Variants in NAA15 observed in about 807,000 individuals in gnomAD.
NAA15 encodes the protein N-terminal acetyltransferase.
Under a neutral mutation model 114.0 loss-of-function variants are expected in NAA15, and 34 were observed. The ratio of observed to expected loss-of-function variants is 0.30; its 90% CI spans 0.23 to 0.40. The LOEUF (loss-of-function observed/expected upper bound fraction) is 0.40, where lower values mean the gene tolerates loss of function less well. Among genes scored for constraint, NAA15 ranks in the 10% least tolerant of loss-of-function variants. The pLI is 1.00. For missense variants in NAA15, 658 were observed against 1,004.5 expected (o/e 0.66, Z 4.66); for synonymous variants, 340 against 338.0 (o/e 1.01, Z -0.06).
At chr4:139,330,457 G>A (rs1245927518) in intron 1 of NAA15, among the ~76,000 whole-genome samples, 1 of 152,176 alleles carries the variant, frequency 6.6e-6, no homozygotes, top group African/African-American at 2.4e-5. Context: ...TGAATGCATA[G>A]TTGATTGTGG....
At chr4:139,328,165 A>G (rs1746866796) in intron 1 of NAA15, among the ~76,000 whole-genome samples, 1 of 149,998 alleles carries the variant, frequency 6.7e-6, no homozygotes, top group South Asian at 2.1e-4. Flanking sequence ...CTTTACTCTT[A>G]TCTGGGAAAG....
In NAA15 at chr4:139,353,291, G is replaced by A. The variant is rs371703410; in HGVS notation, c.1015-735G>A. Among the ~76,000 whole-genome samples, 16 of 152,242 alleles carry A rather than the reference G, an allele frequency of 1.1e-4. No homozygotes were observed. The East Asian group carries it at 2.5e-3, about 24-fold the overall frequency. ...TAGCTCAGCTTGTAGGAGGGAACATGGGTGCACCAGAATAACCTAGCTGCA... is the reference window on the plus strand; with the variant it reads ...TAGCTCAGCTTGTAGGAGGGAACATAGGTGCACCAGAATAACCTAGCTGCA... On this transcript the variant is annotated intron_variant, in intron 9 of 19. Transcript: ENST00000296543.
At chr4:139,316,441 AGTTT>A (rs1364083175) in intron 1 of NAA15, among the ~76,000 whole-genome samples, 1 of 151,716 alleles carries the variant, frequency 6.6e-6, no homozygotes, top group Non-Finnish European at 1.5e-5. Context: ...ATTTAAGTTC[AGTTT>A]GTTCATGTTT....
chr4:139,387,852 C>A, intron 19 of NAA15, 32 bp from the exon 20 acceptor site: 1 of 1,548,942 alleles, frequency 6.5e-7, no homozygotes, highest in South Asian at 1.2e-5. Flanking sequence ...TTTTTTTGAC[C>A]AGTTACAACA....
intron 3 of NAA15, among the ~76,000 whole-genome samples, chr4:139,339,015 T>TGGCC (rs1175843363): frequency 2.0e-5 from 3 of 151,978 alleles, no homozygotes; most frequent in African/African-American, 7.3e-5. Context: ...TTTGCAGTGT[T>TGGCC]GGCCAGGCTG....
chr4:139,377,508 A>T (rs1748622697), intron 16 of NAA15, among the ~76,000 whole-genome samples: 1 of 151,712 alleles, frequency 6.6e-6, no homozygotes, highest in African/African-American at 2.4e-5. Context: ...ATTGCACTCC[A>T]GCCTGGGAAA....
At chr4:139,330,671 C>T (rs534031272) in intron 1 of NAA15, among the ~76,000 whole-genome samples, 25 of 152,036 alleles carry the variant, frequency 1.6e-4, no homozygotes, top group Non-Finnish European at 7.4e-5. Flanking sequence ...ACATTTTGGG[C>T]GAGAAAAATC....
At position 139,301,850 on chromosome 4, in the gene NAA15, G is replaced by C; in HGVS notation, c.54+19G>C. ...GATCTTGGTAAGTGTGAGGCTCCGG[G>C]CAAGCGGTGGGGAGGATTTAGCCGG... On this transcript the variant is annotated intron_variant, in intron 1 of 19. Coordinates refer to ENST00000296543, the MANE Select transcript of NAA15 (RefSeq NM_057175.5). 2 of 1,581,154 alleles carry C rather than the reference G, an allele frequency of 1.3e-6. No individual in the cohort carries two copies. The highest frequency in any genetic ancestry group is 1.7e-6 in the Non-Finnish European group (2 of 1,162,370).
intron 9 of NAA15, among the ~76,000 whole-genome samples, 198 bp from the exon 10 acceptor site, chr4:139,353,828 A>G (rs2110940706): frequency 6.6e-6 from 1 of 152,316 alleles, no homozygotes. Flanking sequence ...TTTTTATAAA[A>G]TTACATCTTA....
intron 14 of NAA15, among the ~76,000 whole-genome samples, chr4:139,368,839 C>A (rs561796124): frequency 2.6e-4 from 39 of 152,216 alleles, no homozygotes; most frequent in Admixed American, 3.9e-4. Context: ...CAGATGTTAT[C>A]CAAATAAATA....
intron 5 of NAA15, among the ~76,000 whole-genome samples, chr4:139,343,621 G>T (rs1747484629): frequency 1.3e-5 from 2 of 152,142 alleles, no homozygotes; most frequent in Admixed American, 1.3e-4. Flanking sequence ...TATAATTTTG[G>T]CAGGAAACCA....
chr4:139,363,103 T>C (rs1183814131), intron 14 of NAA15, among the ~76,000 whole-genome samples: 1 of 152,208 alleles, frequency 6.6e-6, no homozygotes, highest in Non-Finnish European at 1.5e-5. Context: ...TTGGTGTTGC[T>C]TCAACTTAGA....
intron 1 of NAA15, among the ~76,000 whole-genome samples, chr4:139,306,400 T>G (rs1000373298): frequency 6.6e-6 from 1 of 151,608 alleles, no homozygotes; most frequent in Non-Finnish European, 1.5e-5. Flanking sequence ...GGCTAATTTT[T>G]TTTTTTGTAT....
At chr4:139,385,118 C>T (rs1748859261) in intron 18 of NAA15, 140 bp downstream of exon 18, 5 of 651,600 alleles carry the variant, frequency 7.7e-6, no homozygotes, top group Admixed American at 4.3e-5. Context: ...AAACAGGCAG[C>T]TTAAATAAGC....
At position 139,332,006 on chromosome 4, in the gene NAA15, G is replaced by C. The variant is rs115335656; in HGVS notation, c.55-2168G>C. 8.5e-3 allele frequency among the ~76,000 whole-genome samples: 1,291 copies of C among 152,190 alleles called. 20 individuals are homozygous for C. The highest frequency in any genetic ancestry group is 0.03 in the African/African-American group (1,237 of 41,504). ...TGATTAACATTTTCCATGTTAGCAA[G>C]CACACTAGTTCGATTTTTGCTCTTG... On this transcript the variant is annotated intron_variant, in intron 1 of 19. Coordinates refer to ENST00000296543, the MANE Select transcript of NAA15 (RefSeq NM_057175.5).
chr4:139,320,985 C>G (rs1367456764), intron 1 of NAA15, among the ~76,000 whole-genome samples: 2 of 152,144 alleles, frequency 1.3e-5, no homozygotes, highest in Non-Finnish European at 2.9e-5. Flanking sequence ...AAAGCTGGGC[C>G]TTTAATAAGC....
At chr4:139,314,159 A>G (rs1327820998) in intron 1 of NAA15, among the ~76,000 whole-genome samples, 3 of 151,974 alleles carry the variant, frequency 2.0e-5, no homozygotes, top group Non-Finnish European at 4.4e-5. Flanking sequence ...CAGTTTGTAA[A>G]TTATTGTGAA....
intron 14 of NAA15, among the ~76,000 whole-genome samples, chr4:139,369,280 A>T (rs1250229770): frequency 6.6e-6 from 1 of 152,250 alleles, no homozygotes; most frequent in Non-Finnish European, 1.5e-5. Context: ...CTGAAGCCAT[A>T]GAGATATGCA....
intron 1 of NAA15, among the ~76,000 whole-genome samples, chr4:139,315,034 AG>A (rs1746354846): frequency 1.0e-5 from 1 of 96,652 alleles, no homozygotes; most frequent in Admixed American, 9.0e-5. Context: ...AGGTTAGGTT[AG>A]GTTAGGTTAG....
Sources: allele counts gnomAD v4.1 joint callset (sites outside exome capture counted in the v4.1 genomes callset), GRCh38; gene constraint gnomAD v4.1.1; transcripts MANE v1.5; gene names NCBI Gene and HGNC (gene_info 2026-07-23, HGNC 2026-07-21).